Variants in RFX3 observed in about 807,000 individuals in gnomAD.
RFX3 encodes the protein transcription factor RFX3.
In RFX3, 14 loss-of-function variants were observed where a neutral mutation model predicts 98.6. That is an observed-to-expected ratio of 0.14 (90% CI 0.09 to 0.22). The LOEUF (loss-of-function observed/expected upper bound fraction) is 0.22, where lower values mean the gene tolerates loss of function less well. Ranked by LOEUF, RFX3 falls within the 10% of genes least tolerant of loss-of-function variation. The pLI is 1.00. For missense variants in RFX3, 639 were observed against 926.9 expected, an observed-to-expected ratio of 0.69 and a Z score of 4.03; for synonymous variants, 383 against 328.4, an observed-to-expected ratio of 1.17 and a Z score of -1.80.
intron 2 of RFX3, among the ~76,000 whole-genome samples, chr9:3,384,316 G>A (rs999004351): frequency 1.3e-5 from 2 of 152,132 alleles, no homozygotes; most frequent in Non-Finnish European, 2.9e-5. Context: ...AGAATCATTT[G>A]CTAAACAGAT....
intron 1 of RFX3, among the ~76,000 whole-genome samples, chr9:3,497,185 C>T (rs1272566237): frequency 6.6e-6 from 1 of 151,966 alleles, no homozygotes. Context: ...CCAATTCAGG[C>T]TACTTAACTG....
chr9:3,230,083 A>G (rs1818277278), intron 15 of RFX3, among the ~76,000 whole-genome samples: 1 of 152,188 alleles, frequency 6.6e-6, no homozygotes, highest in Non-Finnish European at 1.5e-5. Context: ...ACAACACTCC[A>G]GATTTTATTT....
At chr9:3,422,357 T>C (rs1843522207) in intron 1 of RFX3, among the ~76,000 whole-genome samples, 1 of 152,158 alleles carries the variant, frequency 6.6e-6, no homozygotes, top group South Asian at 2.1e-4. Flanking sequence ...GTGGTAATGG[T>C]GGAAGTTCAC....
At chr9:3,439,959 G>A (rs114525638) in intron 1 of RFX3, among the ~76,000 whole-genome samples, 2,414 of 151,868 alleles carry the variant, frequency 0.016, 74 homozygotes, top group African/African-American at 0.055. Context: ...TTAGGGTTTC[G>A]GACCACCTTA....
intron 4 of RFX3, 100 bp downstream of exon 4, chr9:3,330,159 C>T (rs1206225399): frequency 7.4e-6 from 9 of 1,216,218 alleles, no homozygotes; most frequent in East Asian, 5.0e-5. Context: ...CACATTCTTG[C>T]CCCAGTCCCA....
intron 3 of RFX3, among the ~76,000 whole-genome samples, chr9:3,341,386 C>G (rs1355597418): frequency 1.3e-5 from 2 of 149,884 alleles, no homozygotes; most frequent in Non-Finnish European, 2.9e-5. Context: ...CACATGTACC[C>G]TAAAACTTAA....
At chr9:3,346,841 G>T (rs143079129) in intron 2 of RFX3, 77 bp from the exon 3 acceptor site, 744 of 839,836 alleles carry the variant, frequency 8.9e-4, no homozygotes, top group Non-Finnish European at 1.4e-3. Context: ...CTATCTCAAA[G>T]GTTTATCCGG....
At chr9:3,520,019 A>G (rs900240571) in intron 1 of RFX3, among the ~76,000 whole-genome samples, 2 of 152,164 alleles carry the variant, frequency 1.3e-5, no homozygotes, top group African/African-American at 2.4e-5. Flanking sequence ...CTGTGGCAGG[A>G]GGACCACGTG....
chr9:3,378,200 T>C (rs1032224180), intron 2 of RFX3, among the ~76,000 whole-genome samples: 3 of 152,186 alleles, frequency 2.0e-5, no homozygotes, highest in South Asian at 2.1e-4. Context: ...ATTTAGGTAA[T>C]ATCTTCAAAT....
intron 1 of RFX3, chr9:3,469,017 T>C: frequency 3.0e-6 from 1 of 335,882 alleles, no homozygotes; most frequent in Non-Finnish European, 5.9e-6. Flanking sequence ...CTCTAATTAG[T>C]GTAGCCAAAA....
chr9:3,440,289 C>T (rs1051602779), intron 1 of RFX3, among the ~76,000 whole-genome samples: 7 of 151,980 alleles, frequency 4.6e-5, no homozygotes, highest in African/African-American at 1.7e-4. Flanking sequence ...CAAAAAGTAT[C>T]TAGATTTTAA....
chr9:3,301,001 G>C (rs937972035), intron 5 of RFX3, among the ~76,000 whole-genome samples: 2 of 151,294 alleles, frequency 1.3e-5, no homozygotes, highest in African/African-American at 2.4e-5. Context: ...TTTTTCTTTT[G>C]GTTCACTTTT....
At chr9:3,394,192 A>G (rs540010444) in intron 2 of RFX3, among the ~76,000 whole-genome samples, 244 of 152,262 alleles carry the variant, frequency 1.6e-3, no homozygotes, top group Middle Eastern at 6.8e-3. Flanking sequence ...GGCCGGGCAC[A>G]GTAGCTCATG....
chr9:3,228,871 C>T lies in RFX3; in HGVS notation c.1987G>A (p.Val663Met), dbSNP rs191847028. The change falls in exon 16 of 17, where the codon GTG (valine) becomes ATG (methionine). Residue 663 changes from valine (V) to methionine (M), a missense_variant. Physicochemically the swap from Val to Met is conservative, Grantham distance 21 (BLOSUM62 1). Around this residue, in one of 9 missense-constraint regions of RFX3, gnomAD observed 129 missense variants for 124.6 expected, o/e 1.04. Transcript: ENST00000617270. ...CCTTTATCCAGATTTCCAGGAGACA[C>T]GGCATTTAAATCACCAAACTGCAAA... ...VMGEFGDLNAVSPGNLDKDEG... is the reference protein window; with the variant it reads ...VMGEFGDLNAMSPGNLDKDEG... The T allele has an allele frequency of 9.3e-6, 15 of 1,610,484 alleles. No individual in the cohort carries two copies. Among genetic ancestry groups the T allele is most frequent in the Middle Eastern group, 3.3e-4 (2 of 6,032 alleles).
At chr9:3,284,777 C>A (rs1243522326) in intron 7 of RFX3, among the ~76,000 whole-genome samples, 1 of 151,692 alleles carries the variant, frequency 6.6e-6, no homozygotes, top group African/African-American at 2.4e-5. Flanking sequence ...GCTCTAATCT[C>A]CTTTATTTTA....
chr9:3,374,003 G>A (rs1301354198), intron 2 of RFX3, among the ~76,000 whole-genome samples: 1 of 151,912 alleles, frequency 6.6e-6, no homozygotes, highest in Non-Finnish European at 1.5e-5. Flanking sequence ...GCTTGAACCC[G>A]AGAGGCAGAG....
At chr9:3,287,745 T>C (rs1826816670) in intron 7 of RFX3, among the ~76,000 whole-genome samples, 1 of 151,994 alleles carries the variant, frequency 6.6e-6, no homozygotes, top group Non-Finnish European at 1.5e-5. Flanking sequence ...CCAAACATTC[T>C]GCAAGAATTC....
intron 15 of RFX3, among the ~76,000 whole-genome samples, chr9:3,235,437 CT>C (rs1819016754): frequency 6.6e-6 from 1 of 152,176 alleles, no homozygotes. Context: ...AGGAATATAG[CT>C]TTCATACTGT....
rs116963157 is a variant in RFX3 at position 3,418,755 on chromosome 9, C to T, written c.-8-23159G>A. ...GGTAACATCAATTAAAATAGGATAT[C>T]ATCATAGAAAAATAAGTTGCTTAGA... On this transcript the variant is annotated intron_variant, in intron 1 of 16. Coordinates refer to ENST00000617270, the MANE Select transcript of RFX3 (RefSeq NM_001282116.2). Among the ~76,000 whole-genome samples the T allele has an allele frequency of 8.9e-4, 135 of 152,182 alleles. 2 individuals carry two copies. In the East Asian group the frequency reaches 0.021, roughly 23 times the overall value.
Sources: allele counts gnomAD v4.1 joint callset (sites outside exome capture counted in the v4.1 genomes callset), GRCh38; gene constraint gnomAD v4.1.1; regional missense constraint gnomAD v4.1.1; transcripts MANE v1.5; gene names NCBI Gene and HGNC (gene_info 2026-07-23, HGNC 2026-07-21).